EPCIP: variants seen among roughly 807,000 people sequenced by gnomAD.
EPCIP encodes the protein exosomal polycystin 1 interacting protein, also known as exosomal polycystin-1-interacting protein.
chr21:32,800,067 A>C, the EPCIP span, among the ~76,000 whole-genome samples: 1 of 152,220 alleles, frequency 6.6e-6, no homozygotes, highest in African/African-American at 2.4e-5. Context: ...ATTTTTCCAC[A>C]ATTAGTTATT....
At chr21:32,794,601 T>A in the EPCIP span, 1 of 646,168 alleles carries the variant, frequency 1.5e-6, no homozygotes, top group African/African-American at 1.8e-5. Flanking sequence ...TTCTAGTAAC[T>A]GTTTCCTGAG....
the EPCIP span, chr21:32,807,739 A>G: frequency 6.6e-6 from 1 of 152,234 alleles, no homozygotes; most frequent in East Asian, 1.9e-4. Context: ...GAAAAACCAG[A>G]ATGAGTTTCT....
At chr21:32,811,574 G>A in the EPCIP span, among the ~76,000 whole-genome samples, 40,870 of 152,068 alleles carry the variant, frequency 0.27, 8,856 homozygotes, top group African/African-American at 0.61. Flanking sequence ...AAATTACAGC[G>A]CTATTTCCTA....
At chr21:32,812,169 C>T in the EPCIP span, among the ~76,000 whole-genome samples, 1 of 152,208 alleles carries the variant, frequency 6.6e-6, no homozygotes, top group Non-Finnish European at 1.5e-5. Context: ...GGCTACCGTA[C>T]TTTTCTACTT....
chr21:32,808,911 A>G, the EPCIP span, among the ~76,000 whole-genome samples: 1 of 152,216 alleles, frequency 6.6e-6, no homozygotes. Context: ...TTTGACGATT[A>G]GTTTTGTGAC....
chr21:32,803,295 A>T, the EPCIP span, among the ~76,000 whole-genome samples: 6 of 152,330 alleles, frequency 3.9e-5, no homozygotes, highest in East Asian at 1.2e-3. Context: ...TGTAAGCCTT[A>T]TGGCTACCTT....
At chr21:32,803,497 T>A in the EPCIP span, among the ~76,000 whole-genome samples, 2 of 152,190 alleles carry the variant, frequency 1.3e-5, no homozygotes, top group Non-Finnish European at 2.9e-5. Context: ...GTGGATGAGA[T>A]GCCCACACAG....
chr21:32,795,528 C>T, the EPCIP span, among the ~76,000 whole-genome samples: 69 of 152,298 alleles, frequency 4.5e-4, no homozygotes, highest in African/African-American at 1.6e-3. Context: ...TCAGTCTTCT[C>T]CATTTGCTAA....
At chr21:32,805,168 A>G in the EPCIP span, among the ~76,000 whole-genome samples, 2 of 152,230 alleles carry the variant, frequency 1.3e-5, no homozygotes, top group Admixed American at 1.3e-4. Flanking sequence ...ATGTGGCTAC[A>G]AGCTGAGAAA....
the EPCIP span, chr21:32,798,214 T>C: frequency 6.6e-6 from 1 of 152,158 alleles, no homozygotes; most frequent in African/African-American, 2.4e-5. Flanking sequence ...GCACCTATAG[T>C]CCCAGCTACT....
the EPCIP span, chr21:32,794,002 T>A: frequency 6.2e-7 from 1 of 1,614,044 alleles, no homozygotes; most frequent in South Asian, 1.1e-5. Flanking sequence ...TATGGATGAG[T>A]AAGCTCTGCT....
chr21:32,797,800 A>G, the EPCIP span: 1 of 152,072 alleles, frequency 6.6e-6, no homozygotes. Flanking sequence ...AACAAAATAA[A>G]CTGCTCACTT....
chr21:32,804,900 A>G, the EPCIP span, among the ~76,000 whole-genome samples: 3 of 152,184 alleles, frequency 2.0e-5, no homozygotes, highest in African/African-American at 7.2e-5. Context: ...TGTGATCAAA[A>G]CACTTTATTT....
the EPCIP span, chr21:32,794,555 A>G: frequency 3.7e-6 from 3 of 814,150 alleles, no homozygotes; most frequent in East Asian, 5.4e-5. Context: ...AAGGAACCCC[A>G]GAAAAAAACA....
chr21:32,793,727 G>A, the EPCIP span: 1 of 1,597,432 alleles, frequency 6.3e-7, no homozygotes, highest in South Asian at 1.1e-5. Context: ...TTCATCATTT[G>A]CCAAAGTTCC....
At chr21:32,809,182 C>CGTGTGTGTGTGTGTGTGTGTGT in the EPCIP span, among the ~76,000 whole-genome samples, 3 of 121,096 alleles carry the variant, frequency 2.5e-5, no homozygotes, top group African/African-American at 6.2e-5. Context: ...TCGAGGGGTG[C>CGTGTGTGTGTGTGTGTGTGTGT]GTGTGTGTGT....
chr21:32,798,530 C>G, the EPCIP span: 1 of 152,274 alleles, frequency 6.6e-6, no homozygotes, highest in Non-Finnish European at 1.5e-5. Context: ...AAAACTTCCT[C>G]CCCTAGTTTC....
the EPCIP span, among the ~76,000 whole-genome samples, chr21:32,796,263 G>C: frequency 3.9e-5 from 6 of 152,252 alleles, 1 homozygote; most frequent in Admixed American, 3.9e-4. Flanking sequence ...CTATAGCAGT[G>C]GGGAGGAGGC....
At chr21:32,805,611 C>G in the EPCIP span, among the ~76,000 whole-genome samples, 1 of 152,168 alleles carries the variant, frequency 6.6e-6, no homozygotes. Context: ...ATCTGCCTGC[C>G]TCAGCCTCCG....
Sources: allele counts gnomAD v4.1 joint callset (sites outside exome capture counted in the v4.1 genomes callset), GRCh38; gene constraint gnomAD v4.1.1; transcripts MANE v1.5; gene names NCBI Gene and HGNC (gene_info 2026-07-23, HGNC 2026-07-21).